SELENOF: variants seen among roughly 807,000 people sequenced by gnomAD.
The protein encoded by SELENOF is selenoprotein F.
Under a neutral mutation model 20.5 loss-of-function variants are expected in SELENOF, and 16 were observed. The observed-to-expected ratio is 0.78, with a 90% CI of 0.53 to 1.19. SELENOF has a LOEUF of 1.19. SELENOF is among the 50% of genes most tolerant of loss of function. The pLI is 0.00. For missense variants in SELENOF, 215 were observed against 194.2 expected (o/e 1.11, Z -0.64); for synonymous variants, 78 against 74.5 (o/e 1.05, Z -0.24).
At position 86,869,374 on chromosome 1, in the gene SELENOF, T is replaced by C. The variant is rs548567125; in HGVS notation, c.317-1272A>G. The stretch of plus-strand genomic sequence containing the variant: ...CCACATAATCATTGAAAAATTATGA[T>C]CTATATTTAGTGACAAAGAAAACTT... On this transcript the variant is annotated intron_variant, in intron 3 of 4. Coordinates refer to ENST00000331835, the MANE Select transcript of SELENOF (RefSeq NM_004261.5). Among the ~76,000 whole-genome samples, 69 of 152,328 alleles carry C rather than the reference T, an allele frequency of 4.5e-4. 1 individual carries two copies. The highest frequency in any genetic ancestry group is 4.9e-4 in the Non-Finnish European group (33 of 68,020).
chr1:86,900,087 G>A lies in SELENOF; in HGVS notation c.252+3194C>T, dbSNP rs1323372781. ...GATGGGATGGCGGCCGGGCAGAGAC[G>A]CTCCTCACTTTCCAGACTGGGCAGC... On this transcript the variant is annotated intron_variant, in intron 2 of 4. Transcript: ENST00000331835. Among the ~76,000 whole-genome samples the A allele has an allele frequency of 3.3e-5, 5 of 150,542 alleles. No homozygotes were observed. In the East Asian group the frequency reaches 6.0e-4, roughly 18 times the overall value.
At chr1:86,871,146 T>TA (rs748630790) in intron 3 of SELENOF, among the ~76,000 whole-genome samples, 1 of 152,178 alleles carries the variant, frequency 6.6e-6, no homozygotes, top group African/African-American at 2.4e-5. Flanking sequence ...GAGTACTCAT[T>TA]ATATACACAT....
chr1:86,863,615 A>G lies in SELENOF; in HGVS notation c.367-10T>C. 6.2e-7 allele frequency: 1 copy of G among 1,610,082 alleles called. No individual in the cohort carries two copies. The highest frequency in any genetic ancestry group is 8.5e-7 in the Non-Finnish European group (1 of 1,177,212). On this transcript the variant is annotated splice_polypyrimidine_tract_variant and intron_variant, in intron 4 of 4. Coordinates refer to ENST00000331835, the MANE Select transcript of SELENOF (RefSeq NM_004261.5). The stretch of plus-strand genomic sequence containing the variant: ...CTGAACCACGGACATACTACAAAAA[A>G]GAGGGACGTCATCATTACTTTCTGT...
chr1:86,877,286 C>T (rs1658947949), intron 3 of SELENOF, among the ~76,000 whole-genome samples: 1 of 152,134 alleles, frequency 6.6e-6, no homozygotes, highest in Non-Finnish European at 1.5e-5. Context: ...TCATCTGTAA[C>T]CCATTTTATA....
At chr1:86,872,918 G>C (rs897579713) in intron 3 of SELENOF, among the ~76,000 whole-genome samples, 1 of 152,112 alleles carries the variant, frequency 6.6e-6, no homozygotes, top group African/African-American at 2.4e-5. Flanking sequence ...GCAGGCGCCT[G>C]TAGCGCGGCT....
chr1:86,895,297 TATC>T (rs997149299), intron 2 of SELENOF, among the ~76,000 whole-genome samples: 1 of 152,216 alleles, frequency 6.6e-6, no homozygotes, highest in Admixed American at 6.5e-5. Flanking sequence ...TAGCAATTAT[TATC>T]ATGCTATTCT....
chr1:86,863,492 T>C lies in SELENOF; in HGVS notation c.480A>G (p.Glu160=), dbSNP rs372762020. Residue 160 remains glutamate (E), a synonymous_variant, in exon 5 of 5, where the codon GAA becomes GAG. Coordinates refer to ENST00000331835, the MANE Select transcript of SELENOF (RefSeq NM_004261.5). ...GCAAGATTTATATGCGTTCCAACTT[T>C]TCACTCAGGAATTCTTCTACACTGT... is the stretch of plus-strand genomic sequence containing the variant. ...NTDSVEEFLS[E]KLERI The C allele has an allele frequency of 1.2e-6, 2 of 1,612,210 alleles. No individual in the cohort carries two copies. The highest frequency in any genetic ancestry group is 1.7e-6 in the Non-Finnish European group (2 of 1,179,316).
At chr1:86,892,911 C>T (rs1240469914) in intron 2 of SELENOF, among the ~76,000 whole-genome samples, 1 of 152,206 alleles carries the variant, frequency 6.6e-6, no homozygotes, top group Non-Finnish European at 1.5e-5. Context: ...TTCAGAAAGA[C>T]AGCCCAGTGT....
chr1:86,908,294 T>A (rs1416393930), intron 1 of SELENOF, among the ~76,000 whole-genome samples: 1 of 152,218 alleles, frequency 6.6e-6, no homozygotes, highest in Non-Finnish European at 1.5e-5. Flanking sequence ...GATTACAGAA[T>A]GAACTCCATG....
intron 1 of SELENOF, among the ~76,000 whole-genome samples, chr1:86,905,809 G>A (rs574395845): frequency 6.6e-6 from 1 of 152,274 alleles, no homozygotes; most frequent in South Asian, 2.1e-4. Flanking sequence ...TGGCCATATG[G>A]TTTCTGTACA....
intron 1 of SELENOF, among the ~76,000 whole-genome samples, chr1:86,911,197 G>A (rs1659971077): frequency 6.6e-6 from 1 of 152,346 alleles, no homozygotes; most frequent in South Asian, 2.1e-4. Flanking sequence ...AAACTTGAGG[G>A]ATAGCGAAGC....
intron 3 of SELENOF, among the ~76,000 whole-genome samples, chr1:86,878,480 G>A (rs2102084774): frequency 6.6e-6 from 1 of 152,340 alleles, no homozygotes; most frequent in African/African-American, 2.4e-5. Context: ...AGGAGTTCGA[G>A]ACCAGCCTGG....
intron 3 of SELENOF, among the ~76,000 whole-genome samples, chr1:86,872,231 A>T (rs1658792081): frequency 6.6e-6 from 1 of 152,202 alleles, no homozygotes; most frequent in African/African-American, 2.4e-5. Flanking sequence ...AAAATGAGCA[A>T]TGTGCTTTGA....
At chr1:86,891,206 C>T (rs920264255) in intron 2 of SELENOF, among the ~76,000 whole-genome samples, 1 of 151,934 alleles carries the variant, frequency 6.6e-6, no homozygotes, top group African/African-American at 2.4e-5. Flanking sequence ...TGTGCCACCA[C>T]GCCTGGCTAA....
At chr1:86,894,863 CA>C (rs1189712046) in intron 2 of SELENOF, among the ~76,000 whole-genome samples, 2 of 151,860 alleles carry the variant, frequency 1.3e-5, no homozygotes, top group Non-Finnish European at 2.9e-5. Flanking sequence ...ACAACAACAA[CA>C]AACAAACAAA....
chr1:86,874,159 C>T (rs545124234), intron 3 of SELENOF, among the ~76,000 whole-genome samples: 8 of 150,612 alleles, frequency 5.3e-5, no homozygotes, highest in Admixed American at 4.0e-4. Context: ...TTAGTAGAGA[C>T]GGGGTTTCAC....
chr1:86,895,732 G>A (rs538982), intron 2 of SELENOF, among the ~76,000 whole-genome samples: 17,643 of 152,196 alleles, frequency 0.12, 1,641 homozygotes, highest in African/African-American at 0.25. Context: ...ATTCAGCTAA[G>A]TGAATTCTTA....
chr1:86,881,516 A>T (rs1004164275), intron 2 of SELENOF, among the ~76,000 whole-genome samples: 1 of 152,234 alleles, frequency 6.6e-6, no homozygotes, highest in South Asian at 2.1e-4. Flanking sequence ...TGGCAATTTT[A>T]AGAACGTATC....
chr1:86,914,301 A>T, upstream of SELENOF: 1 of 605,792 alleles, frequency 1.7e-6, no homozygotes, highest in Admixed American at 2.9e-5. Flanking sequence ...CGATTACCCA[A>T]ATCAGGCACT....
Sources: gnomAD v4.1 joint callset for allele counts (sites outside exome capture counted in the v4.1 genomes callset) on GRCh38, gnomAD v4.1.1 for gene constraint, MANE v1.5 for transcripts, NCBI Gene and HGNC (gene_info 2026-07-23, HGNC 2026-07-21) for gene names.